PHRF1: variants seen among roughly 807,000 people sequenced by gnomAD.
PHRF1 encodes PHD and RING finger domain-containing protein 1.
In PHRF1, 53 loss-of-function variants were observed where a neutral mutation model predicts 128.9. The observed-to-expected ratio is 0.41, with a 90% CI of 0.33 to 0.52. The LOEUF (loss-of-function observed/expected upper bound fraction) is 0.52. PHRF1 is among the 20% of genes least tolerant of loss of function. The pLI, the probability that PHRF1 is intolerant of heterozygous loss-of-function variation, is 0.21. For synonymous variants in PHRF1, 1,178 were observed against 980.6 expected, an observed-to-expected ratio of 1.20 and a Z score of -3.76; for missense variants, 2,503 against 2,284.5, an observed-to-expected ratio of 1.10 and a Z score of -1.95.
At chr11:590,019 T>C (rs28473244) in intron 4 of PHRF1, among the ~76,000 whole-genome samples, 126,066 of 132,300 alleles carry the variant, frequency 0.95, 59,942 homozygotes, top group South Asian at 0.98. Flanking sequence ...AGAGTGTCTG[T>C]AAACGGGCAT....
At chr11:590,981 G>A (rs1046174715) in intron 4 of PHRF1, among the ~76,000 whole-genome samples, 2 of 152,182 alleles carry the variant, frequency 1.3e-5, no homozygotes, top group African/African-American at 4.8e-5. Flanking sequence ...GGGATTACAG[G>A]TATGAGCCCC....
chr11:594,455 C>T (rs769179539), intron 6 of PHRF1, among the ~76,000 whole-genome samples: 2 of 152,184 alleles, frequency 1.3e-5, no homozygotes, highest in African/African-American at 4.8e-5. Context: ...AGTCTTGGTC[C>T]GTCATCCAGG....
intron 3 of PHRF1, among the ~76,000 whole-genome samples, chr11:582,415 C>G (rs567425120): frequency 1.3e-4 from 20 of 152,200 alleles, no homozygotes; most frequent in African/African-American, 4.6e-4. Context: ...CAGGCACGCA[C>G]CATGACACTT....
Position 609,241 on chromosome 11 carries a change from G to A in PHRF1, c.3785G>A (p.Gly1262Asp), listed in dbSNP as rs772200443. 1.3e-5 allele frequency: 21 copies of A among 1,611,142 alleles called. No homozygotes were observed. The highest frequency in any genetic ancestry group is 1.7e-5 in the Non-Finnish European group (20 of 1,179,888). ...CCGGACGACCTGGACCTGGATTATG[G>A]CGACTCCGTGGAGGCCGGACACGTC... ...CEPDDLDLDYGDSVEAGHVFD... is the reference protein window; with the variant it reads ...CEPDDLDLDYDDSVEAGHVFD... The change falls in exon 14 of 18, where the codon GGC (glycine) becomes GAC (aspartate). Residue 1262 changes from glycine to aspartate, a missense_variant. By Grantham distance (94) the Gly-to-Asp change is moderately conservative (BLOSUM62 -1). Coordinates refer to ENST00000264555, the MANE Select transcript of PHRF1 (RefSeq NM_001286581.2).
In PHRF1 at chr11:608,335, T is replaced by C. The variant is rs1421823812; in HGVS notation, c.2879T>C (p.Val960Ala). Residue 960 changes from valine (V) to alanine (A), a missense_variant, in exon 14 of 18, where the codon GTG becomes GCG. Coordinates refer to ENST00000264555, the MANE Select transcript of PHRF1 (RefSeq NM_001286581.2). ...TTCTTTGGCTCTGAGGAGCGGACGG[T>C]GACCTGTGTGACTGTCGTGGAGCCG... The part of the protein sequence containing the change: ...STFFGSEERT[V>A]TCVTVVEPEA... 6.2e-7 allele frequency: 1 copy of C among 1,609,742 alleles called. No individual in the cohort carries two copies. Among genetic ancestry groups the C allele is most frequent in the Non-Finnish European group, 8.5e-7 (1 of 1,178,898 alleles).
intron 4 of PHRF1, among the ~76,000 whole-genome samples, chr11:589,717 AAG>A (rs1158777167): frequency 3.9e-5 from 6 of 152,272 alleles, no homozygotes; most frequent in African/African-American, 1.4e-4. Flanking sequence ...GTGATAAGAA[AAG>A]AGAAGGATTT....
intron 10 of PHRF1, among the ~76,000 whole-genome samples, chr11:602,161 G>A (rs1240016670): frequency 2.6e-5 from 4 of 152,134 alleles, no homozygotes; most frequent in Admixed American, 1.3e-4. Context: ...CCCTGGGAGC[G>A]GCCTCCTTGG....
intron 1 of PHRF1, among the ~76,000 whole-genome samples, chr11:581,006 T>G (rs1854168737): frequency 6.6e-6 from 1 of 151,968 alleles, no homozygotes; most frequent in Non-Finnish European, 1.5e-5. Context: ...ATATTTTTAG[T>G]AGAGATGGGG....
At chr11:588,021 C>G (rs990166763) in intron 4 of PHRF1, among the ~76,000 whole-genome samples, 1 of 152,178 alleles carries the variant, frequency 6.6e-6, no homozygotes, top group Non-Finnish European at 1.5e-5. Context: ...AAAAGGAGAG[C>G]TTGCAGTCTG....
rs1484334487 is a variant in PHRF1 at position 612,180 on chromosome 11, C to T, written c.*403C>T. 1 of 315,726 alleles carries T rather than the reference C, an allele frequency of 3.2e-6. No individual in the cohort carries two copies. The highest frequency in any genetic ancestry group is 5.9e-6 in the Non-Finnish European group (1 of 169,992). The allele number at this position is 315,726 out of a possible 1,614,324, so 19.6% of individuals were successfully genotyped here. On this transcript the variant is annotated 3_prime_UTR_variant, in exon 18 of 18. Coordinates refer to ENST00000264555, the MANE Select transcript of PHRF1 (RefSeq NM_001286581.2). ...CCTCCCGCCAACAGCTGCTGTGTAC[C>T]TTTGGCTCTGAATTAGGAATATCTT...
rs548827670 is a variant in PHRF1 at position 598,117 on chromosome 11, C to A, written c.895-256C>A. On this transcript the variant is annotated intron_variant, in intron 8 of 17. Coordinates refer to ENST00000264555, the MANE Select transcript of PHRF1 (RefSeq NM_001286581.2). ...CCCTGCCCAGTACCTGCGCCACCCC[C>A]GCCACAGTGACTGGTGCCCTCTCGT... 2.0e-4 allele frequency among the ~76,000 whole-genome samples: 30 copies of A among 152,334 alleles called. No homozygotes were observed. In the East Asian group the frequency reaches 5.2e-3, roughly 26 times the overall value.
At chr11:596,852 C>T (rs967079035) in intron 6 of PHRF1, 71 bp from the exon 7 acceptor site, 1 of 1,372,220 alleles carries the variant, frequency 7.3e-7, no homozygotes, top group Admixed American at 1.7e-5. Context: ...GCTTTGTGGT[C>T]CCCTCACTTG....
At chr11:592,757 T>C (rs1192613361) in intron 6 of PHRF1, 83 bp downstream of exon 6, 21 of 1,438,396 alleles carry the variant, frequency 1.5e-5, no homozygotes, top group Non-Finnish European at 1.8e-5. Flanking sequence ...GCCTCTTCGC[T>C]CTGTGAAGTC....
chr11:607,841 C>T lies in PHRF1; in HGVS notation c.2385C>T (p.Gly795=), dbSNP rs760365948. 6.2e-7 allele frequency: 1 copy of T among 1,612,842 alleles called. No homozygotes were observed. The highest frequency in any genetic ancestry group is 8.5e-7 in the Non-Finnish European group (1 of 1,179,888). The stretch of plus-strand genomic sequence containing the variant: ...ATTCCAGCCAGCTCTCCAGCCCTGG[C>T]TTCTGTAACACGTTCCGGCCTGTGG... The part of the protein sequence containing the change: ...MAHSSQLSSP[G]FCNTFRPVDD... The change falls in exon 14 of 18, where the codon GGC becomes GGT. Residue 795 remains glycine, a synonymous_variant. Coordinates refer to ENST00000264555, the MANE Select transcript of PHRF1 (RefSeq NM_001286581.2).
intron 3 of PHRF1, among the ~76,000 whole-genome samples, chr11:583,590 A>G (rs763380251): frequency 7.9e-5 from 12 of 152,244 alleles, no homozygotes; most frequent in Admixed American, 2.6e-4. Context: ...TGAGAGAACA[A>G]TGTTCCAAAG....
chr11:611,163 G>C, intron 17 of PHRF1, 81 bp downstream of exon 17: 1 of 1,581,070 alleles, frequency 6.3e-7, no homozygotes, highest in Non-Finnish European at 8.6e-7. Context: ...TGGACTTTGG[G>C]GTGGCCATGA....
intron 6 of PHRF1, among the ~76,000 whole-genome samples, chr11:596,432 C>T (rs994148736): frequency 2.0e-5 from 3 of 152,158 alleles, no homozygotes; most frequent in Non-Finnish European, 4.4e-5. Context: ...GGGAGACAAG[C>T]TCTCTGGGAA....
chr11:581,705 A>AG, intron 2 of PHRF1, 99 bp downstream of exon 2: 1 of 1,208,220 alleles, frequency 8.3e-7, no homozygotes, highest in East Asian at 2.7e-5. Flanking sequence ...GTCAACTTTC[A>AG]GTCTAAAAAA....
chr11:598,185 G>C (rs1396183786), intron 8 of PHRF1, among the ~76,000 whole-genome samples, 188 bp from the exon 9 acceptor site: 1 of 152,224 alleles, frequency 6.6e-6, no homozygotes, highest in Non-Finnish European at 1.5e-5. Flanking sequence ...CCTTGCCCCC[G>C]TGGGAGTGCT....
Sources: allele counts gnomAD v4.1 joint callset (sites outside exome capture counted in the v4.1 genomes callset), GRCh38; gene constraint gnomAD v4.1.1; transcripts MANE v1.5; gene names NCBI Gene and HGNC (gene_info 2026-07-23, HGNC 2026-07-21).